Variants in KLHL29 observed in about 807,000 individuals in gnomAD.
The protein encoded by KLHL29 is kelch-like protein 29.
A neutral mutation model predicts 80.4 loss-of-function variants in KLHL29; 21 were observed. The observed-to-expected ratio is 0.26, with a 90% CI of 0.19 to 0.38. KLHL29 has a LOEUF of 0.38. Among genes scored for constraint, KLHL29 ranks in the 10% least tolerant of loss-of-function variants. KLHL29 has a pLI of 1.00. For synonymous variants in KLHL29, 511 were observed against 526.8 expected, an observed-to-expected ratio of 0.97 and a Z score of 0.41; for missense variants, 867 against 1,223.9, an observed-to-expected ratio of 0.71 and a Z score of 4.35.
intron 5 of KLHL29, among the ~76,000 whole-genome samples, chr2:23,674,544 T>C (rs1572486547): frequency 6.6e-6 from 1 of 152,050 alleles, no homozygotes; most frequent in Non-Finnish European, 1.5e-5. Context: ...CTTCAATCCC[T>C]CCAGCCAAGA....
In KLHL29 at chr2:23,682,597, C is replaced by T. The variant is rs192064710; in HGVS notation, c.941-1802C>T. Among the ~76,000 whole-genome samples the T allele has an allele frequency of 2.6e-5, 4 of 152,146 alleles. No individual in the cohort carries two copies. The highest frequency in any genetic ancestry group is 2.1e-4 in the South Asian group (1 of 4,830). On this transcript the variant is annotated intron_variant, in intron 5 of 13. Transcript: ENST00000486442. The surrounding 1 kb of genome is among the most constrained non-coding windows in gnomAD (Gnocchi z 4.1). The stretch of plus-strand genomic sequence containing the variant: ...AGGCAAGACTGTTGCGATCTGGCCC[C>T]GCCCACCGCCTCATTGTGTTCCCTG...
At chr2:23,512,223 A>T (rs1202185324) in intron 2 of KLHL29, among the ~76,000 whole-genome samples, 1 of 152,180 alleles carries the variant, frequency 6.6e-6, no homozygotes, top group East Asian at 1.9e-4. Flanking sequence ...AGGTGGGTGG[A>T]TCACCTGAGG....
At chr2:23,426,151 G>C (rs116106219) in intron 1 of KLHL29, among the ~76,000 whole-genome samples, 1 of 152,138 alleles carries the variant, frequency 6.6e-6, no homozygotes, top group Non-Finnish European at 1.5e-5. Context: ...TGTGGGAAGC[G>C]GGGAGGAGGG....
intron 3 of KLHL29, among the ~76,000 whole-genome samples, chr2:23,570,825 C>T (rs950917924): frequency 1.1e-4 from 16 of 152,294 alleles, no homozygotes; most frequent in African/African-American, 3.1e-4. Context: ...TTTGAATGAC[C>T]GAGAGTCACC....
intron 1 of KLHL29, among the ~76,000 whole-genome samples, chr2:23,464,594 C>T (rs1248046897): frequency 1.3e-5 from 2 of 152,304 alleles, no homozygotes; most frequent in East Asian, 3.9e-4. Context: ...AGCCTCAGAT[C>T]CTCATCTAGG....
intron 5 of KLHL29, among the ~76,000 whole-genome samples, chr2:23,655,579 C>T (rs934286515): frequency 1.3e-5 from 2 of 152,242 alleles, no homozygotes; most frequent in South Asian, 4.2e-4. Flanking sequence ...TTCCCCAAAT[C>T]GGCATAAATA....
chr2:23,653,580 G>C (rs1403665214), intron 5 of KLHL29, among the ~76,000 whole-genome samples: 1 of 152,298 alleles, frequency 6.6e-6, no homozygotes, highest in African/African-American at 2.4e-5. Context: ...ACTCACAGGG[G>C]CCGAGTCATA....
At chr2:23,446,990 C>T (rs1663713388) in intron 1 of KLHL29, among the ~76,000 whole-genome samples, 1 of 152,218 alleles carries the variant, frequency 6.6e-6, no homozygotes, top group Non-Finnish European at 1.5e-5. Context: ...ACCTTTTCTT[C>T]CAGGTCAAGC....
intron 2 of KLHL29, among the ~76,000 whole-genome samples, chr2:23,549,771 C>T (rs1558384047): frequency 1.3e-5 from 2 of 152,206 alleles, no homozygotes; most frequent in African/African-American, 2.4e-5. Flanking sequence ...GTCAAGGCCC[C>T]GGAGATCCCC....
At position 23,639,176 on chromosome 2, in the gene KLHL29, G is replaced by A; in HGVS notation, c.323G>A (p.Gly108Glu). The change falls in exon 4 of 14, where the codon GGA becomes GAA. Residue 108 changes from glycine (G) to glutamate (E), a missense_variant. Gly to Glu is a moderately conservative substitution (Grantham distance 98, BLOSUM62 -2). Coordinates refer to ENST00000486442, the MANE Select transcript of KLHL29 (RefSeq NM_052920.2). ...GISKGDSQSQ[G>E]LATSIRWGQT... The stretch of plus-strand genomic sequence containing the variant: ...TCCAAAGGGGACAGTCAGTCCCAGG[G>A]ACTGGCGACCAGCATCCGGTGGGGG... 6.5e-7 allele frequency: 1 copy of A among 1,545,604 alleles called. No homozygotes were observed. The highest frequency in any genetic ancestry group is 2.0e-5 in the Admixed American group (1 of 49,598).
intron 3 of KLHL29, among the ~76,000 whole-genome samples, chr2:23,577,388 T>C (rs1241262316): frequency 6.6e-6 from 1 of 151,570 alleles, no homozygotes; most frequent in Non-Finnish European, 1.5e-5. Flanking sequence ...GAGGCGGAGG[T>C]TGCAGTGAGC....
chr2:23,390,968 G>A (rs530032299), intron 1 of KLHL29, among the ~76,000 whole-genome samples: 5 of 152,102 alleles, frequency 3.3e-5, no homozygotes, highest in Admixed American at 1.3e-4. Context: ...CTGTGCATTC[G>A]TAGCATTCAC....
intron 3 of KLHL29, among the ~76,000 whole-genome samples, chr2:23,615,866 A>G (rs1289456099): frequency 6.6e-6 from 1 of 152,104 alleles, no homozygotes; most frequent in African/African-American, 2.4e-5. Context: ...CTTTCTCATC[A>G]GCACAGCCAG....
chr2:23,470,635 A>C (rs1199988662), intron 1 of KLHL29, among the ~76,000 whole-genome samples: 1 of 152,228 alleles, frequency 6.6e-6, no homozygotes, highest in Non-Finnish European at 1.5e-5. Flanking sequence ...TTCTGCAGAC[A>C]CTGTCTTTCT....
At position 23,642,422 on chromosome 2, in the gene KLHL29, C is replaced by T. The variant is rs1377465850; in HGVS notation, c.512C>T (p.Thr171Ile). 2.7e-6 allele frequency: 4 copies of T among 1,490,088 alleles called. No homozygotes were observed. Among genetic ancestry groups the T allele is most frequent in the Non-Finnish European group, 3.6e-6 (4 of 1,114,214 alleles). 92.3% of individuals were successfully genotyped at this position (1,490,088 alleles called of 1,614,324 possible). A position where few individuals can be genotyped will look rare whatever the true frequency, so the allele number is the denominator to read the frequency against. Residue 171 changes from threonine to isoleucine, a missense_variant, in exon 5 of 14, where the codon ACC (threonine) becomes ATC (isoleucine). Thr to Ile is a moderately conservative substitution (Grantham distance 89). Coordinates refer to ENST00000486442, the MANE Select transcript of KLHL29 (RefSeq NM_052920.2). ...AHSYGVAQPPTFSPAVNVQAP... is the reference protein window; with the variant it reads ...AHSYGVAQPPIFSPAVNVQAP... ...TCCTATGGAGTGGCCCAGCCTCCCA[C>T]CTTCAGCCCGGCTGTGAACGTCCAG...
chr2:23,672,314 A>T (rs1572484582), intron 5 of KLHL29: 1 of 152,010 alleles, frequency 6.6e-6, no homozygotes, highest in Non-Finnish European at 1.5e-5. Context: ...AGCCAAACTC[A>T]CCTCCGTCCA....
At chr2:23,701,058 A>G (rs1414749581) in intron 11 of KLHL29, among the ~76,000 whole-genome samples, 1 of 152,106 alleles carries the variant, frequency 6.6e-6, no homozygotes, top group Non-Finnish European at 1.5e-5. Flanking sequence ...CACATCTCCA[A>G]TCTGTTGCCC....
In KLHL29 at chr2:23,647,031, G is replaced by A. The variant is rs1487974846; in HGVS notation, c.940+4181G>A. ...GAAGGAGGCTAGGGAAGGGGCAGAA[G>A]GCCAGGCCCTCCCCAGCGCAGAGGA... is the stretch of plus-strand genomic sequence containing the variant. On this transcript the variant is annotated intron_variant, in intron 5 of 13. Coordinates refer to ENST00000486442, the MANE Select transcript of KLHL29 (RefSeq NM_052920.2). This position sits in a 1 kb window ranked among gnomAD's most constrained non-coding sequence, Gnocchi z 4.9. Among the ~76,000 whole-genome samples the A allele has an allele frequency of 6.6e-6, 1 of 152,224 alleles. No individual in the cohort carries two copies. Among genetic ancestry groups the A allele is most frequent in the Non-Finnish European group, 1.5e-5 (1 of 68,048 alleles).
intron 3 of KLHL29, among the ~76,000 whole-genome samples, chr2:23,581,084 A>C (rs1162135623): frequency 7.1e-6 from 1 of 140,970 alleles, no homozygotes; most frequent in Admixed American, 7.4e-5. Flanking sequence ...AAATTCCTGG[A>C]GGCTTATTTT....
Sources: allele counts gnomAD v4.1 joint callset (sites outside exome capture counted in the v4.1 genomes callset), GRCh38; gene constraint gnomAD v4.1.1; non-coding constraint Gnocchi (gnomAD v3.1); transcripts MANE v1.5; gene names NCBI Gene and HGNC (gene_info 2026-07-23, HGNC 2026-07-21).